GRIA1: variants seen among roughly 807,000 people sequenced by gnomAD.
The protein encoded by GRIA1 is glutamate receptor 1.
GRIA1 carries 31 observed loss-of-function variants against 99.2 expected under a neutral mutation model. That is an observed-to-expected ratio of 0.31 (90% CI 0.23 to 0.42). GRIA1 has a LOEUF of 0.42. GRIA1 is among the 10% of genes least tolerant of loss of function. The probability of loss-of-function intolerance (pLI) is 1.00; values close to 1 mark genes in which losing one functional copy is unlikely to be tolerated. For missense variants in GRIA1, 782 were observed against 1,157.5 expected (o/e 0.68, Z 4.71); for synonymous variants, 438 against 432.4 (o/e 1.01, Z -0.16).
intron 14 of GRIA1, 43 bp downstream of exon 14, chr5:153,794,778 TA>T (rs760831212): frequency 8.8e-7 from 1 of 1,139,872 alleles, no homozygotes; most frequent in Non-Finnish European, 1.3e-6. Flanking sequence ...GGGTATGAAA[TA>T]GCATGGCTGG....
Position 153,649,171 on chromosome 5 carries a change from C to A in GRIA1, c.461-1159C>A, listed in dbSNP as rs572251885. Among the ~76,000 whole-genome samples, 5 of 152,302 alleles carry A rather than the reference C, an allele frequency of 3.3e-5. No homozygotes were observed. The South Asian group carries it at 1.0e-3, about 32-fold the overall frequency. On this transcript the variant is annotated intron_variant, in intron 3 of 15. Coordinates refer to ENST00000285900, the MANE Select transcript of GRIA1 (RefSeq NM_000827.4). ...CAAGAGAGTGGATTCTTCCCTAGAACCTTTAGACACCAACACAGCCCTGCT... is the reference window on the plus strand; with the variant it reads ...CAAGAGAGTGGATTCTTCCCTAGAAACTTTAGACACCAACACAGCCCTGCT...
At chr5:153,490,630 G>C (rs1055668273), upstream of GRIA1, 3 of 527,550 alleles carry the variant, frequency 5.7e-6, no homozygotes, top group African/African-American at 5.8e-5. Flanking sequence ...GGGAGCCAGC[G>C]CTCCAGCTAG....
chr5:153,619,570 G>C (rs1766835139), intron 2 of GRIA1, among the ~76,000 whole-genome samples: 1 of 152,108 alleles, frequency 6.6e-6, no homozygotes, highest in Admixed American at 6.5e-5. Context: ...GAAGGCATGG[G>C]GTAGGGTGAG....
rs139074585 is a variant in GRIA1, at chr5:153,806,091, T to C, written c.2520+3601T>C. Among the ~76,000 whole-genome samples, 24 of 152,344 alleles carry C rather than the reference T, an allele frequency of 1.6e-4. 1 individual carries two copies. Among genetic ancestry groups the C allele is most frequent in the African/African-American group, 4.8e-4 (20 of 41,574 alleles). ...GACTTTTCAGCTTTGCAGCTCTCTT[T>C]ATTTTTCTGTGCTTAGCTTTCTCCA... On this transcript the variant is annotated intron_variant, in intron 15 of 15. Coordinates refer to ENST00000285900, the MANE Select transcript of GRIA1 (RefSeq NM_000827.4).
At chr5:153,632,419 C>T (rs889001794) in intron 2 of GRIA1, among the ~76,000 whole-genome samples, 2 of 152,136 alleles carry the variant, frequency 1.3e-5, no homozygotes, top group African/African-American at 4.8e-5. Flanking sequence ...GGAGAAAATC[C>T]TACCAAAAGT....
chr5:153,635,445 C>G (rs1753280368), intron 2 of GRIA1, among the ~76,000 whole-genome samples: 1 of 152,214 alleles, frequency 6.6e-6, no homozygotes, highest in Non-Finnish European at 1.5e-5. Context: ...TTGGCTGGTT[C>G]ATGTGCTAGT....
rs1759223130 is a variant in GRIA1, at chr5:153,710,320, T to C, written c.1823+4253T>C. On this transcript the variant is annotated intron_variant, in intron 11 of 15. Transcript: ENST00000285900. ...TCACTGCAGCCTTGACCTTCTGGGC[T>C]CAAGCCATCCTCCTACCTCAGCCTC... Among the ~76,000 whole-genome samples, 4 of 152,066 alleles carry C rather than the reference T, an allele frequency of 2.6e-5. No homozygotes were observed. The South Asian group carries it at 8.3e-4, about 32-fold the overall frequency.
chr5:153,522,213 T>G (rs985365001), intron 2 of GRIA1, among the ~76,000 whole-genome samples: 4 of 152,254 alleles, frequency 2.6e-5, no homozygotes, highest in Admixed American at 6.5e-5. Context: ...GTGCCTCAGT[T>G]TTCTCATTTG....
intron 14 of GRIA1, among the ~76,000 whole-genome samples, chr5:153,801,034 A>G (rs2149670642): frequency 6.6e-6 from 1 of 152,380 alleles, no homozygotes; most frequent in East Asian, 1.9e-4. Context: ...TGAACAAACA[A>G]TATAAACAAA....
In GRIA1 at chr5:153,676,148, C is replaced by T. The variant is rs139668104; in HGVS notation, c.862-846C>T. ...CTGGGATTACAGGCGTGAGCCACTG[C>T]GCCCGGCATGTAATTTAATTTTTTA... On this transcript the variant is annotated intron_variant, in intron 6 of 15. Transcript: ENST00000285900. 7.6e-3 allele frequency among the ~76,000 whole-genome samples: 1,153 copies of T among 152,184 alleles called. 19 individuals carry two copies. Among genetic ancestry groups the T allele is most frequent in the African/African-American group, 0.026 (1,089 of 41,482 alleles).
intron 10 of GRIA1, among the ~76,000 whole-genome samples, chr5:153,702,754 A>G (rs1378811320): frequency 2.0e-5 from 3 of 152,186 alleles, no homozygotes; most frequent in Non-Finnish European, 4.4e-5. Context: ...ATTCTGCTGC[A>G]CACTCAAGTT....
intron 2 of GRIA1, among the ~76,000 whole-genome samples, chr5:153,548,817 T>C (rs1298896202): frequency 1.3e-5 from 2 of 152,198 alleles, no homozygotes; most frequent in Admixed American, 1.3e-4. Context: ...TTGGGTTTTT[T>C]ATTATTTTCT....
intron 2 of GRIA1, among the ~76,000 whole-genome samples, chr5:153,583,266 C>T (rs556707675): frequency 6.6e-6 from 1 of 152,124 alleles, no homozygotes; most frequent in Non-Finnish European, 1.5e-5. Context: ...ATATTAGGTT[C>T]CTAGTGTTTC....
At chr5:153,580,862 A>G (rs1351058052) in intron 2 of GRIA1, among the ~76,000 whole-genome samples, 1 of 152,198 alleles carries the variant, frequency 6.6e-6, no homozygotes, top group Admixed American at 6.5e-5. Context: ...CTGGTACCTT[A>G]GCAGTGCTGC....
chr5:153,804,094 C>T (rs773722222), intron 15 of GRIA1, among the ~76,000 whole-genome samples: 1 of 152,126 alleles, frequency 6.6e-6, no homozygotes, highest in Non-Finnish European at 1.5e-5. Flanking sequence ...CGATCCCTCA[C>T]CCTGTCTTCT....
intron 11 of GRIA1, among the ~76,000 whole-genome samples, chr5:153,722,012 T>C (rs1445666431): frequency 1.3e-5 from 2 of 152,230 alleles, no homozygotes; most frequent in Non-Finnish European, 2.9e-5. Flanking sequence ...CCTTTTCCTT[T>C]TAGCAAGTAG....
chr5:153,701,689 C>G (rs1399688363), intron 10 of GRIA1, among the ~76,000 whole-genome samples: 1 of 148,334 alleles, frequency 6.7e-6, no homozygotes, highest in African/African-American at 2.5e-5. Flanking sequence ...GATGCTCAGC[C>G]TTTCTTTTTA....
chr5:153,658,989 C>T (rs993507640), intron 5 of GRIA1, among the ~76,000 whole-genome samples: 1 of 111,606 alleles, frequency 9.0e-6, no homozygotes, highest in Admixed American at 8.6e-5. Flanking sequence ...AAAACAAAAA[C>T]AAACAAACAA....
chr5:153,542,053 C>G (rs976945046), intron 2 of GRIA1, among the ~76,000 whole-genome samples: 2 of 151,496 alleles, frequency 1.3e-5, no homozygotes, highest in African/African-American at 4.8e-5. Flanking sequence ...ATACCTACTT[C>G]TCTTCATCCC....
Sources: allele counts gnomAD v4.1 joint callset (sites outside exome capture counted in the v4.1 genomes callset), GRCh38; gene constraint gnomAD v4.1.1; transcripts MANE v1.5; gene names NCBI Gene and HGNC (gene_info 2026-07-23, HGNC 2026-07-21).